PTHLH: variants seen among roughly 807,000 people sequenced by gnomAD.
PTHLH encodes the protein parathyroid hormone like hormone.
A neutral mutation model predicts 18.6 loss-of-function variants in PTHLH; 5 were observed. The observed-to-expected ratio is 0.27, with a 90% CI of 0.14 to 0.56. The LOEUF is 0.56. Ranked by LOEUF, PTHLH falls within the 20% of genes least tolerant of loss-of-function variation. The pLI is 0.92. For missense variants in PTHLH, 207 were observed against 223.9 expected (o/e 0.92, Z 0.48); for synonymous variants, 90 against 94.0 (o/e 0.96, Z 0.25).
At chr12:27,962,578 C>T (rs1441784551) in intron 5 of PTHLH, 5 of 985,328 alleles carry the variant, frequency 5.1e-6, no homozygotes, top group Middle Eastern at 5.2e-4. Flanking sequence ...TAAGGATAAA[C>T]AAGCCACATA....
chr12:27,969,246 G>C (rs180991791), intron 4 of PTHLH, 148 bp downstream of exon 4: 2 of 738,574 alleles, frequency 2.7e-6, no homozygotes, highest in Admixed American at 5.2e-5. Context: ...CCCGGGCTCA[G>C]GCCCCGGCAG....
intron 5 of PTHLH, chr12:27,963,117 G>T: frequency 2.1e-6 from 3 of 1,417,806 alleles, no homozygotes; most frequent in Non-Finnish European, 2.8e-6. Context: ...GGAGAAAGAG[G>T]AATGGGCTCT....
At chr12:27,963,244 T>C (rs2062777203) in intron 5 of PTHLH, 104 bp downstream of exon 5, 2 of 1,583,428 alleles carry the variant, frequency 1.3e-6, no homozygotes, top group Admixed American at 1.8e-5. Flanking sequence ...TAGAGATACA[T>C]AAAGGGAGAA....
rs1272943241 is a variant in PTHLH, at chr12:27,963,637, A to T, written c.235T>A (p.Ser79Thr). ...TTGGGAGAGGGCTTGGAGTTAGGGG[A>T]CACCTCCGAGGTAGCTCTGATTTCA... ...TAEIRATSEV[S>T]PNSKPSPNTK... is the part of the protein sequence containing the mutation. Residue 79 changes from serine to threonine, a missense_variant, in exon 5 of 6, where the codon TCC becomes ACC. Physicochemically the swap from Ser to Thr is moderately conservative, Grantham distance 58 (BLOSUM62 1). Transcript: ENST00000545234. 6.2e-7 allele frequency: 1 copy of T among 1,613,954 alleles called. No individual in the cohort carries two copies. Among genetic ancestry groups the T allele is most frequent in the Admixed American group, 1.7e-5 (1 of 59,988 alleles).
At chr12:27,964,263 T>C (rs2062790604) in intron 4 of PTHLH, among the ~76,000 whole-genome samples, 1 of 59,664 alleles carries the variant, frequency 1.7e-5, no homozygotes, top group Non-Finnish European at 4.6e-5. Context: ...TCTCTCTCTC[T>C]CTCTCCTCTC....
chr12:27,971,525 C>G (rs539623258), intron 2 of PTHLH, among the ~76,000 whole-genome samples: 1 of 152,164 alleles, frequency 6.6e-6, no homozygotes, highest in South Asian at 2.1e-4. Flanking sequence ...AGGAATGTGG[C>G]CTTTATCAAG....
In PTHLH at chr12:27,963,703, G is replaced by A. The variant is rs2062783271; in HGVS notation, c.169C>T (p.Arg57Ter). 1 of 1,613,420 alleles carries A rather than the reference G, an allele frequency of 6.2e-7. No homozygotes were observed. The highest frequency in any genetic ancestry group is 1.3e-5 in the African/African-American group (1 of 74,840). ...GCGATCAGATGGTGAAGGAAGAATC[G>A]TCGCCGTAAATCTTGGATGGACTTC... ...KGKSIQDLRR[R>*]FFLHHLIAEI... Residue 57 changes from arginine to a stop codon, truncating the protein, a stop_gained, in exon 5 of 6, where the codon CGA (arginine) becomes TGA (stop). Transcript: ENST00000545234. LOFTEE classifies it high-confidence loss of function.
intron 4 of PTHLH, among the ~76,000 whole-genome samples, chr12:27,968,561 A>G (rs1423802895): frequency 6.6e-6 from 1 of 152,210 alleles, no homozygotes; most frequent in Non-Finnish European, 1.5e-5. Flanking sequence ...TATTAAGATC[A>G]TGTTACTCTA....
chr12:27,958,409 C>T lies in PTHLH; in HGVS notation c.*150G>A. ...GGCAAAAAAAAAATATTCACAATGA[C>T]CAATGTGCAGTTTCATAGAGCAATG... On this transcript the variant is annotated 3_prime_UTR_variant, in exon 6 of 6. Coordinates refer to ENST00000545234, the MANE Select transcript of PTHLH (RefSeq NM_198965.2). 1 of 591,256 alleles carries T rather than the reference C, an allele frequency of 1.7e-6. No homozygotes were observed. 36.6% of individuals were successfully genotyped at this position (591,256 alleles called of 1,614,324 possible).
intron 4 of PTHLH, 199 bp downstream of exon 4, chr12:27,969,195 T>C (rs984490540): frequency 1.7e-6 from 1 of 597,392 alleles, no homozygotes; most frequent in Non-Finnish European, 3.0e-6. Flanking sequence ...CTTGCCTGTC[T>C]CCCGTTGAAG....
chr12:27,961,950 C>T, intron 5 of PTHLH: 3 of 718,474 alleles, frequency 4.2e-6, no homozygotes, highest in South Asian at 1.5e-5. Context: ...ATGATGTGTT[C>T]TTCTGTTGTT....
intron 5 of PTHLH, among the ~76,000 whole-genome samples, chr12:27,959,760 G>A (rs1219047860): frequency 1.3e-5 from 2 of 152,182 alleles, no homozygotes; most frequent in African/African-American, 2.4e-5. Flanking sequence ...AATGGTTTTG[G>A]TGGGAATGTT....
rs894672173 is a variant in PTHLH at position 27,969,286 on chromosome 12, G to C, written c.101+108C>G. On this transcript the variant is annotated intron_variant, in intron 4 of 5. Transcript: ENST00000545234. ...CCGGGATGGTCCCTCTCCCTAACCC[G>C]GGCAAGGAGCATCGGTGACCGCTGC... 1.2e-5 allele frequency: 14 copies of C among 1,135,264 alleles called. No homozygotes were observed. In the Middle Eastern group the frequency reaches 8.5e-4, roughly 69 times the overall value. 70.3% of individuals were successfully genotyped at this position (1,135,264 alleles called of 1,614,324 possible). A position where few individuals can be genotyped will look rare whatever the true frequency, so the allele number is the denominator to read the frequency against.
At chr12:27,967,646 T>C (rs1332555541) in intron 4 of PTHLH, among the ~76,000 whole-genome samples, 3 of 152,230 alleles carry the variant, frequency 2.0e-5, no homozygotes, top group African/African-American at 7.2e-5. Context: ...TCAGCCTCCA[T>C]GAAAAACCAT....
intron 2 of PTHLH, among the ~76,000 whole-genome samples, chr12:27,970,545 C>T (rs570083576): frequency 1.3e-5 from 2 of 151,944 alleles, no homozygotes; most frequent in East Asian, 3.9e-4. Flanking sequence ...GCGCCATCCC[C>T]GTGCCGGGGG....
At chr12:27,969,071 A>C in intron 4 of PTHLH, 1 of 345,976 alleles carries the variant, frequency 2.9e-6, no homozygotes, top group Non-Finnish European at 5.5e-6. Flanking sequence ...CCGGGTCCTG[A>C]CAGTAACCAC....
Position 27,958,423 on chromosome 12 carries a change from C to T in PTHLH, c.*136G>A. 1.3e-6 allele frequency: 1 copy of T among 759,112 alleles called. No homozygotes were observed. Among genetic ancestry groups the T allele is most frequent in the Non-Finnish European group, 1.9e-6 (1 of 520,266 alleles). 47.0% of individuals were successfully genotyped at this position (759,112 alleles called of 1,614,324 possible). A position where few individuals can be genotyped will look rare whatever the true frequency, so the allele number is the denominator to read the frequency against. On this transcript the variant is annotated 3_prime_UTR_variant, in exon 6 of 6. Transcript: ENST00000545234. Reference sequence around the variant, plus strand: ...ATTCACAATGACCAATGTGCAGTTTCATAGAGCAATGGGGGAGACAGTTTT... The same window carrying T: ...ATTCACAATGACCAATGTGCAGTTTTATAGAGCAATGGGGGAGACAGTTTT...
At chr12:27,961,885 G>A in intron 5 of PTHLH, 1 of 697,108 alleles carries the variant, frequency 1.4e-6, no homozygotes, top group Non-Finnish European at 2.6e-6. Flanking sequence ...AGAGTCAAAG[G>A]AAATGACTAA....
rs777088376 is a variant in PTHLH at position 27,969,561 on chromosome 12, C to T, written c.-22-45G>A. ...GACCCGAGTGTCAGTCTGGACTCTC[C>T]ATCTCCCCGCACTACTCCGCTCCCC... On this transcript the variant is annotated intron_variant, in intron 3 of 5. Coordinates refer to ENST00000545234, the MANE Select transcript of PTHLH (RefSeq NM_198965.2). The T allele has an allele frequency of 8.4e-6, 12 of 1,427,726 alleles. No homozygotes were observed. The African/African-American group carries it at 1.7e-4, about 20-fold the overall frequency. The allele number at this position is 1,427,726 out of a possible 1,614,324, so 88.4% of individuals were successfully genotyped here.
Sources: allele counts gnomAD v4.1 joint callset (sites outside exome capture counted in the v4.1 genomes callset), GRCh38; gene constraint gnomAD v4.1.1; transcripts MANE v1.5; gene names NCBI Gene and HGNC (gene_info 2026-07-23, HGNC 2026-07-21).